NR3C1: variants seen among roughly 807,000 people sequenced by gnomAD.
The protein encoded by NR3C1 is nuclear receptor subfamily 3 group C member 1.
Under a neutral mutation model 74.0 loss-of-function variants are expected in NR3C1, and 14 were observed. The ratio of observed to expected loss-of-function variants is 0.19; its 90% CI spans 0.12 to 0.30. NR3C1 has a LOEUF of 0.30. Among genes scored for constraint, NR3C1 ranks in the 10% least tolerant of loss-of-function variants. NR3C1 has a pLI of 1.00. For synonymous variants in NR3C1, 308 were observed against 332.5 expected, an observed-to-expected ratio of 0.93 and a Z score of 0.80; for missense variants, 695 against 909.8, an observed-to-expected ratio of 0.76 and a Z score of 3.04.
intron 4 of NR3C1, among the ~76,000 whole-genome samples, chr5:143,305,685 T>C (rs769122070): frequency 3.3e-5 from 5 of 152,062 alleles, no homozygotes; most frequent in Non-Finnish European, 7.4e-5. Flanking sequence ...AGCTAAACAT[T>C]GAGTACACAT....
At chr5:143,347,964 T>A (rs1460313177) in intron 2 of NR3C1, among the ~76,000 whole-genome samples, 2 of 149,722 alleles carry the variant, frequency 1.3e-5, no homozygotes, top group African/African-American at 4.9e-5. Context: ...TGTTCCCCAG[T>A]GAGGCCATCT....
chr5:143,338,127 A>C (rs572540516), intron 2 of NR3C1, among the ~76,000 whole-genome samples: 1 of 152,292 alleles, frequency 6.6e-6, no homozygotes, highest in Non-Finnish European at 1.5e-5. Context: ...AAGTCCTATC[A>C]CTTAGCTGCA....
intron 2 of NR3C1, among the ~76,000 whole-genome samples, chr5:143,337,897 G>A (rs1372451398): frequency 2.0e-5 from 3 of 152,192 alleles, no homozygotes; most frequent in Non-Finnish European, 4.4e-5. Flanking sequence ...CTCTGGGGAG[G>A]AGGAACAAAA....
intron 2 of NR3C1, among the ~76,000 whole-genome samples, chr5:143,343,717 A>G (rs1389088539): frequency 6.6e-6 from 1 of 152,194 alleles, no homozygotes; most frequent in Non-Finnish European, 1.5e-5. Flanking sequence ...TATTTATGAT[A>G]CGTAACTTTT....
At chr5:143,321,554 CTT>C (rs760800746) in intron 2 of NR3C1, among the ~76,000 whole-genome samples, 2 of 152,292 alleles carry the variant, frequency 1.3e-5, no homozygotes, top group East Asian at 3.9e-4. Flanking sequence ...TGCTAAAACT[CTT>C]TTCTCAACAT....
intron 2 of NR3C1, chr5:143,389,814 C>T: frequency 3.1e-6 from 1 of 317,920 alleles, no homozygotes; most frequent in Non-Finnish European, 4.6e-6. Context: ...GCTGACAGAA[C>T]AAAGTAAGAG....
chr5:143,363,983 T>A (rs989869127), intron 2 of NR3C1, among the ~76,000 whole-genome samples: 16 of 149,066 alleles, frequency 1.1e-4, no homozygotes, highest in Non-Finnish European at 1.9e-4. Context: ...AAAGATTATT[T>A]AAAAAAAAAA....
intron 2 of NR3C1, among the ~76,000 whole-genome samples, chr5:143,382,348 AAAGTT>A (rs1367026921): frequency 1.3e-5 from 2 of 152,226 alleles, no homozygotes; most frequent in Non-Finnish European, 2.9e-5. Context: ...AAACTGAAAT[AAAGTT>A]AAGATCATAA....
intron 2 of NR3C1, among the ~76,000 whole-genome samples, chr5:143,328,155 C>A (rs1825058061): frequency 6.6e-6 from 1 of 152,262 alleles, no homozygotes; most frequent in African/African-American, 2.4e-5. Context: ...AGGCCCAACA[C>A]CACGTGAAAG....
chr5:143,391,659 A>C (rs932408820), intron 2 of NR3C1, among the ~76,000 whole-genome samples: 2 of 152,248 alleles, frequency 1.3e-5, no homozygotes, highest in Non-Finnish European at 2.9e-5. Flanking sequence ...AATCCACTGA[A>C]AACTTTGTCG....
chr5:143,407,737 C>G (rs1398024340), upstream of NR3C1, among the ~76,000 whole-genome samples: 1 of 152,208 alleles, frequency 6.6e-6, no homozygotes, highest in Non-Finnish European at 1.5e-5. Context: ...CAAGTGAGTT[C>G]TCCCATTCTC....
At chr5:143,415,151 A>C (rs1003410197) in intron 1 of NR3C1, among the ~76,000 whole-genome samples, 8 of 152,234 alleles carry the variant, frequency 5.3e-5, no homozygotes, top group Non-Finnish European at 1.2e-4. Flanking sequence ...GAAATGTATA[A>C]AGGTAAAAAC....
intron 2 of NR3C1, among the ~76,000 whole-genome samples, chr5:143,378,979 C>A (rs750200298): frequency 6.6e-6 from 1 of 152,130 alleles, no homozygotes; most frequent in Non-Finnish European, 1.5e-5. Flanking sequence ...TCTAATGTTA[C>A]ACCTCTCAAC....
intron 1 of NR3C1, among the ~76,000 whole-genome samples, chr5:143,421,160 T>C (rs1304049592): frequency 6.6e-6 from 1 of 152,140 alleles, no homozygotes; most frequent in Non-Finnish European, 1.5e-5. Context: ...GGGATACAAA[T>C]GGCTAGCTAC....
chr5:143,335,698 C>T (rs996315763), intron 2 of NR3C1, among the ~76,000 whole-genome samples: 2 of 152,162 alleles, frequency 1.3e-5, no homozygotes, highest in African/African-American at 4.8e-5. Context: ...TTTGATAAAA[C>T]TCCTATGTCA....
Position 143,399,781 on chromosome 5 carries a change from G to T in NR3C1, c.1059C>A (p.Val353=). The change falls in exon 2 of 9, where the codon GTC becomes GTA. Residue 353 remains valine (V), a synonymous_variant. Transcript: ENST00000394464. The stretch of plus-strand genomic sequence containing the variant: ...CGGAACCAACGGGAATTGGTGGAAT[G>T]ACATTAAAAATAGGCTTCTGATCCT... ...QQQDQKPIFN[V]IPPIPVGSEN... 6.2e-7 allele frequency: 1 copy of T among 1,614,182 alleles called. No homozygotes were observed. Among genetic ancestry groups the T allele is most frequent in the East Asian group, 2.2e-5 (1 of 44,886 alleles).
chr5:143,402,804 G>A, intron 1 of NR3C1: 2 of 985,448 alleles, frequency 2.0e-6, no homozygotes, highest in Non-Finnish European at 2.4e-6. Context: ...ATATTCGGGC[G>A]AGTAAAATTC....
At chr5:143,293,848 T>A (rs1222721008) in intron 7 of NR3C1, 2 of 963,610 alleles carry the variant, frequency 2.1e-6, no homozygotes, top group Non-Finnish European at 2.5e-6. Flanking sequence ...CTGGGATGTA[T>A]ACAATTGAAA....
chr5:143,376,609 C>A (rs916595054), intron 2 of NR3C1, among the ~76,000 whole-genome samples: 1 of 152,202 alleles, frequency 6.6e-6, no homozygotes, highest in Non-Finnish European at 1.5e-5. Flanking sequence ...TCCTTGGCAA[C>A]AGAATTTATT....
Sources: allele counts gnomAD v4.1 joint callset (sites outside exome capture counted in the v4.1 genomes callset), GRCh38; gene constraint gnomAD v4.1.1; transcripts MANE v1.5; gene names NCBI Gene and HGNC (gene_info 2026-07-23, HGNC 2026-07-21).